Variants in NAV3 observed in about 807,000 individuals in gnomAD.
NAV3 encodes the protein neuron navigator 3, also known as pore membrane and/or filament interacting like protein 1.
Under a neutral mutation model 244.7 loss-of-function variants are expected in NAV3, and 87 were observed. That is an observed-to-expected ratio of 0.36 (90% CI 0.30 to 0.42). The LOEUF is 0.42. Ranked by LOEUF, NAV3 falls within the 20% of genes least tolerant of loss-of-function variation. NAV3 has a pLI of 1.00. For synonymous variants in NAV3, 1,126 were observed against 1,042.2 expected, an observed-to-expected ratio of 1.08 and a Z score of -1.55; for missense variants, 2,663 against 2,893.3, an observed-to-expected ratio of 0.92 and a Z score of 1.83.
chr12:78,205,530 A>G lies in NAV3; in HGVS notation c.7038+392A>G, dbSNP rs183462816. 5.8e-3 allele frequency among the ~76,000 whole-genome samples: 887 copies of G among 152,194 alleles called. 10 individuals are homozygous for G. Among genetic ancestry groups the G allele is most frequent in the African/African-American group, 0.02 (836 of 41,560 alleles). The stretch of plus-strand genomic sequence containing the variant: ...TAATGTACTCATGGAGAACTAAAAA[A>G]TATTTTGCCTATATCAACTAACCTG... On this transcript the variant is annotated intron_variant, in intron 39 of 39. Coordinates refer to ENST00000397909, the MANE Select transcript of NAV3 (RefSeq NM_001024383.2).
intron 2 of NAV3, among the ~76,000 whole-genome samples, chr12:77,726,930 A>G (rs1296981388): frequency 6.6e-6 from 1 of 151,892 alleles, no homozygotes; most frequent in Non-Finnish European, 1.5e-5. Context: ...CAAGGTAATA[A>G]TATGGGATTT....
At chr12:77,691,061 T>TGATGACA (rs1874988968) in intron 2 of NAV3, among the ~76,000 whole-genome samples, 1 of 150,568 alleles carries the variant, frequency 6.6e-6, no homozygotes, top group African/African-American at 2.4e-5. Context: ...ATGGCAGTTC[T>TGATGACA]GATGACAGGA....
At chr12:77,686,380 AC>A in intron 2 of NAV3, among the ~76,000 whole-genome samples, 1 of 148,746 alleles carries the variant, frequency 6.7e-6, no homozygotes, top group East Asian at 2.0e-4. Context: ...GACGTGAGCC[AC>A]CGTGCCCCAC....
At chr12:78,026,749 T>C (rs1878121959) in intron 9 of NAV3, among the ~76,000 whole-genome samples, 1 of 152,184 alleles carries the variant, frequency 6.6e-6, no homozygotes, top group Non-Finnish European at 1.5e-5. Context: ...TCTACTTTTA[T>C]CTATTAAGTG....
At chr12:77,733,491 T>G (rs1249874715) in intron 2 of NAV3, among the ~76,000 whole-genome samples, 2 of 151,994 alleles carry the variant, frequency 1.3e-5, no homozygotes, top group South Asian at 2.1e-4. Flanking sequence ...GCTTTGGGTT[T>G]CACCATATAA....
intron 2 of NAV3, among the ~76,000 whole-genome samples, chr12:77,628,695 G>C (rs572333651): frequency 6.6e-6 from 1 of 151,776 alleles, no homozygotes; most frequent in South Asian, 2.1e-4. Context: ...ATCAGCCTGG[G>C]CAACATGGTG....
intron 1 of NAV3, among the ~76,000 whole-genome samples, chr12:77,865,798 C>CGTGTGT (rs35804861): frequency 1.3e-4 from 20 of 149,250 alleles, no homozygotes; most frequent in African/African-American, 2.4e-4. Flanking sequence ...CGTATATATG[C>CGTGTGT]GTGTGTGTGT....
At chr12:78,040,060 G>C (rs547394063) in intron 9 of NAV3, among the ~76,000 whole-genome samples, 1 of 152,134 alleles carries the variant, frequency 6.6e-6, no homozygotes, top group African/African-American at 2.4e-5. Context: ...TTTATATTTA[G>C]ACTTTGCAAT....
intron 24 of NAV3, among the ~76,000 whole-genome samples, chr12:78,169,333 CA>C (rs1957907316): frequency 6.6e-6 from 1 of 151,678 alleles, no homozygotes; most frequent in Admixed American, 6.6e-5. Flanking sequence ...TAAAAAGGTA[CA>C]TTTCCTGTAG....
At chr12:77,802,744 G>A (rs1404978000) in intron 2 of NAV3, among the ~76,000 whole-genome samples, 1 of 151,898 alleles carries the variant, frequency 6.6e-6, no homozygotes, top group Non-Finnish European at 1.5e-5. Flanking sequence ...CTCACTGCAA[G>A]CCCCGCCTCC....
At chr12:77,794,173 T>C (rs1265095661) in intron 2 of NAV3, among the ~76,000 whole-genome samples, 2 of 152,346 alleles carry the variant, frequency 1.3e-5, no homozygotes, top group East Asian at 3.9e-4. Context: ...TGGGGATGTT[T>C]GTTTCTTGTC....
chr12:78,186,549 CAT>C (rs1318631574), intron 31 of NAV3, among the ~76,000 whole-genome samples: 1 of 151,812 alleles, frequency 6.6e-6, no homozygotes, highest in Non-Finnish European at 1.5e-5. Context: ...CTTAGTGAAA[CAT>C]AAACTAACTT....
At chr12:77,668,496 A>C (rs1397366698) in intron 2 of NAV3, among the ~76,000 whole-genome samples, 1 of 152,224 alleles carries the variant, frequency 6.6e-6, no homozygotes. Context: ...AATGCACTGA[A>C]AAGTCTCAGC....
chr12:77,905,086 A>G (rs1484347737), intron 1 of NAV3, among the ~76,000 whole-genome samples: 1 of 152,190 alleles, frequency 6.6e-6, no homozygotes, highest in Non-Finnish European at 1.5e-5. Context: ...ATTTGAATTC[A>G]TCTCAAATTA....
At position 78,211,762 on chromosome 12, in the gene NAV3, G is replaced by A. The variant is rs143036723; in HGVS notation, c.*1245G>A. The A allele has an allele frequency of 6.6e-6, 1 of 152,262 alleles. No individual in the cohort carries two copies. Among genetic ancestry groups the A allele is most frequent in the Admixed American group, 6.6e-5 (1 of 15,222 alleles). 9.4% of individuals were successfully genotyped at this position (152,262 alleles called of 1,614,324 possible). ...TTTTGTTTTTTTAATGAGTTTTGAC[G>A]CATGTTGTTTTGATTGCTATTGTTG... On this transcript the variant is annotated 3_prime_UTR_variant, in exon 40 of 40. Transcript: ENST00000397909.
intron 12 of NAV3, among the ~76,000 whole-genome samples, chr12:78,077,193 T>A (rs1953094228): frequency 6.6e-6 from 1 of 152,178 alleles, no homozygotes; most frequent in East Asian, 1.9e-4. Context: ...TTCTGTAAAA[T>A]AATGAAAATT....
chr12:77,853,048 C>T (rs1162966265), intron 1 of NAV3, among the ~76,000 whole-genome samples: 2 of 152,166 alleles, frequency 1.3e-5, no homozygotes, highest in Non-Finnish European at 1.5e-5. Context: ...TTCATGAGTA[C>T]GATTACTGCC....
intron 12 of NAV3, among the ~76,000 whole-genome samples, chr12:78,111,321 C>A (rs1311016516): frequency 1.3e-5 from 2 of 152,004 alleles, no homozygotes; most frequent in Non-Finnish European, 2.9e-5. Flanking sequence ...TAAGTCAATA[C>A]TACTATAAGA....
intron 19 of NAV3, among the ~76,000 whole-genome samples, chr12:78,138,909 T>C (rs1008943714): frequency 1.2e-4 from 19 of 152,132 alleles, no homozygotes; most frequent in African/African-American, 4.6e-4. Context: ...CTTATTGAAC[T>C]AGATTGAAGG....
Sources: gnomAD v4.1 joint callset for allele counts (sites outside exome capture counted in the v4.1 genomes callset) on GRCh38, gnomAD v4.1.1 for gene constraint, MANE v1.5 for transcripts, NCBI Gene and HGNC (gene_info 2026-07-23, HGNC 2026-07-21) for gene names.